Variants in KLF12 observed in about 807,000 individuals in gnomAD.
KLF12 encodes KLF transcription factor 12.
In KLF12, 9 loss-of-function variants were observed where a neutral mutation model predicts 37.8. The observed-to-expected ratio is 0.24, with a 90% CI of 0.14 to 0.42. KLF12 has a LOEUF of 0.42. KLF12 is among the 10% of genes least tolerant of loss of function. KLF12 has a pLI of 1.00. For synonymous variants in KLF12, 208 were observed against 202.1 expected (o/e 1.03, Z -0.25); for missense variants, 411 against 516.0 (o/e 0.80, Z 1.97).
intron 1 of KLF12, among the ~76,000 whole-genome samples, chr13:73,999,023 A>G (rs1284440636): frequency 6.6e-6 from 1 of 152,124 alleles, no homozygotes; most frequent in Non-Finnish European, 1.5e-5. Context: ...CACTGGACAC[A>G]CATAATTCTC....
chr13:74,036,086 T>C (rs1216724695), intron 1 of KLF12, among the ~76,000 whole-genome samples: 3 of 152,112 alleles, frequency 2.0e-5, no homozygotes, highest in Admixed American at 1.3e-4. Context: ...TATACACTCC[T>C]ATCCGCAAGG....
At chr13:74,138,667 C>T (rs555338870), upstream of KLF12, among the ~76,000 whole-genome samples, 13 of 152,280 alleles carry the variant, frequency 8.5e-5, no homozygotes, top group African/African-American at 3.1e-4. Context: ...TTCTTTTCCA[C>T]CTTCCTCCAG....
intron 1 of KLF12, among the ~76,000 whole-genome samples, chr13:74,086,004 AT>A (rs1875264723): frequency 6.6e-6 from 1 of 151,272 alleles, no homozygotes; most frequent in African/African-American, 2.4e-5. Context: ...TATATTATAT[AT>A]AAAATTATGA....
At chr13:74,229,978 G>T in the KLF12 span, among the ~76,000 whole-genome samples, 1 of 152,104 alleles carries the variant, frequency 6.6e-6, no homozygotes, top group South Asian at 2.1e-4. Context: ...GTGTGAAGAT[G>T]GGTAGATGAG....
In KLF12 at chr13:73,859,857, G is replaced by A. The variant is rs748042584; in HGVS notation, c.124-13484C>T. 5.9e-4 allele frequency among the ~76,000 whole-genome samples: 89 copies of A among 151,782 alleles called. 1 individual carries two copies. Among genetic ancestry groups the A allele is most frequent in the Admixed American group, 3.2e-3 (49 of 15,240 alleles). On this transcript the variant is annotated intron_variant, in intron 3 of 7. Transcript: ENST00000377669. ...CAAAAACCTCATTAGATTTGAAAGC[G>A]AGTACAATTAGCATTGTAAGCAGAA...
intron 1 of KLF12, among the ~76,000 whole-genome samples, chr13:74,035,706 C>T (rs1258505346): frequency 6.6e-6 from 1 of 152,128 alleles, no homozygotes; most frequent in Non-Finnish European, 1.5e-5. Flanking sequence ...ATGAATTTTT[C>T]ATCCTAAAAT....
At chr13:74,088,785 TACA>T (rs1875474031) in intron 1 of KLF12, among the ~76,000 whole-genome samples, 1 of 152,204 alleles carries the variant, frequency 6.6e-6, no homozygotes, top group East Asian at 1.9e-4. Flanking sequence ...ACACCTTTTT[TACA>T]GGGCTTTCAT....
the KLF12 span, among the ~76,000 whole-genome samples, chr13:74,226,935 G>A: frequency 6.6e-6 from 1 of 152,096 alleles, no homozygotes; most frequent in African/African-American, 2.4e-5. Flanking sequence ...CAGTGAAAGA[G>A]TCTCCTAACA....
chr13:74,114,634 T>A (rs1366324533), intron 1 of KLF12, among the ~76,000 whole-genome samples: 1 of 151,844 alleles, frequency 6.6e-6, no homozygotes, highest in African/African-American at 2.4e-5. Context: ...TAATAATATT[T>A]ACAGCAGAGA....
chr13:74,026,386 G>GA (rs1393619877), intron 1 of KLF12, among the ~76,000 whole-genome samples: 1 of 151,980 alleles, frequency 6.6e-6, no homozygotes, highest in Non-Finnish European at 1.5e-5. Context: ...CTTATATAGT[G>GA]AAAAAACATC....
chr13:74,012,157 C>T (rs1261619991), intron 1 of KLF12, among the ~76,000 whole-genome samples: 1 of 152,202 alleles, frequency 6.6e-6, no homozygotes, highest in Non-Finnish European at 1.5e-5. Flanking sequence ...CCTTGGAGAG[C>T]TATAATTGTG....
intron 7 of KLF12, among the ~76,000 whole-genome samples, chr13:73,708,325 T>G (rs1053642457): frequency 6.6e-6 from 1 of 152,192 alleles, no homozygotes; most frequent in Admixed American, 6.5e-5. Flanking sequence ...AGTATGTCAA[T>G]TGGGGATAGA....
At chr13:73,918,856 A>T (rs958374827) in intron 3 of KLF12, among the ~76,000 whole-genome samples, 4 of 152,104 alleles carry the variant, frequency 2.6e-5, no homozygotes, top group African/African-American at 4.8e-5. Flanking sequence ...AGACTCTTTA[A>T]TGTTGCTCGG....
chr13:74,195,423 G>T, the KLF12 span, among the ~76,000 whole-genome samples: 26 of 152,076 alleles, frequency 1.7e-4, no homozygotes, highest in Non-Finnish European at 3.1e-4. Flanking sequence ...TAGAATGACA[G>T]GGTCCTGTGC....
the KLF12 span, among the ~76,000 whole-genome samples, chr13:74,254,853 C>T: frequency 2.0e-5 from 3 of 152,166 alleles, no homozygotes; most frequent in East Asian, 1.9e-4. Flanking sequence ...TAATAAACCT[C>T]GCTGAAATAT....
chr13:73,730,927 G>A (rs987191923), intron 6 of KLF12, among the ~76,000 whole-genome samples: 5 of 151,572 alleles, frequency 3.3e-5, no homozygotes, highest in African/African-American at 1.2e-4. Flanking sequence ...CCATGATTTT[G>A]TTTTGTTCTG....
At chr13:73,968,493 A>G (rs1891234168) in intron 2 of KLF12, among the ~76,000 whole-genome samples, 1 of 152,118 alleles carries the variant, frequency 6.6e-6, no homozygotes, top group Non-Finnish European at 1.5e-5. Flanking sequence ...TTATTTGATA[A>G]TAGCTTTATT....
chr13:73,702,034 A>G (rs528701175), intron 7 of KLF12, among the ~76,000 whole-genome samples: 3 of 152,116 alleles, frequency 2.0e-5, no homozygotes, highest in Admixed American at 2.0e-4. Context: ...ACACAAAAAA[A>G]GGGTGGGGGA....
At chr13:73,926,870 A>C (rs1158131561) in intron 3 of KLF12, among the ~76,000 whole-genome samples, 3 of 151,664 alleles carry the variant, frequency 2.0e-5, no homozygotes, top group African/African-American at 4.8e-5. Flanking sequence ...CTGCATAATC[A>C]CATTCACCCC....
Sources: gnomAD v4.1 joint callset for allele counts (sites outside exome capture counted in the v4.1 genomes callset) on GRCh38, gnomAD v4.1.1 for gene constraint, MANE v1.5 for transcripts, NCBI Gene and HGNC (gene_info 2026-07-23, HGNC 2026-07-21) for gene names.